DXO: variants seen among roughly 807,000 people sequenced by gnomAD.
DXO encodes the protein decapping and exoribonuclease protein.
A neutral mutation model predicts 39.8 loss-of-function variants in DXO; 42 were observed. The observed-to-expected ratio is 1.06, with a 90% CI of 0.83 to 1.37. The LOEUF is 1.37. DXO is among the 40% of genes most tolerant of loss of function. The pLI, the probability that DXO is intolerant of heterozygous loss-of-function variation, is 0.00. For missense variants in DXO, 495 were observed against 513.0 expected, an observed-to-expected ratio of 0.96 and a Z score of 0.34; for synonymous variants, 193 against 200.4, an observed-to-expected ratio of 0.96 and a Z score of 0.31.
At position 31,970,521 on chromosome 6, in the gene DXO, C is replaced by T; in HGVS notation, c.813-43G>A. On this transcript the variant is annotated intron_variant, in intron 4 of 6. Coordinates refer to ENST00000337523, the MANE Select transcript of DXO (RefSeq NM_005510.4). The surrounding 1 kb of genome is among the most constrained non-coding windows in gnomAD (Gnocchi z 4.0). The stretch of plus-strand genomic sequence containing the variant: ...GGATCAGTGGGACCCCTCGTGCACC[C>T]TCCATTCTGCCTTCACCCTCCTCCC... 6.2e-7 allele frequency: 1 copy of T among 1,613,736 alleles called. No homozygotes were observed. The highest frequency in any genetic ancestry group is 8.5e-7 in the Non-Finnish European group (1 of 1,179,810).
In DXO at chr6:31,971,006, C is replaced by T. The variant is rs1248297771; in HGVS notation, c.498G>A (p.Glu166=). The T allele has an allele frequency of 1.2e-6, 2 of 1,613,018 alleles. No individual in the cohort carries two copies. The highest frequency in any genetic ancestry group is 1.7e-6 in the Non-Finnish European group (2 of 1,180,010). ...FQGTLYLSEV[E]TPNARAQRLA... Reference sequence around the variant, plus strand: ...GCCTCTGGGCCCGAGCGTTCGGTGTCTCCACTTCACTCAGGTATAGTGTTC... The same window carrying T: ...GCCTCTGGGCCCGAGCGTTCGGTGTTTCCACTTCACTCAGGTATAGTGTTC... Residue 166 remains glutamate, a synonymous_variant, in exon 3 of 7, where the codon GAG becomes GAA. Coordinates refer to ENST00000337523, the MANE Select transcript of DXO (RefSeq NM_005510.4). This position sits in a 1 kb window ranked among gnomAD's most constrained non-coding sequence, Gnocchi z 4.5.
rs745531445 is a variant in DXO at position 31,971,171 on chromosome 6, G to T, written c.357-24C>A. 6.2e-7 allele frequency: 1 copy of T among 1,608,308 alleles called. No individual in the cohort carries two copies. The highest frequency in any genetic ancestry group is 1.1e-5 in the South Asian group (1 of 90,938). On this transcript the variant is annotated intron_variant, in intron 2 of 6. Coordinates refer to ENST00000337523, the MANE Select transcript of DXO (RefSeq NM_005510.4). This position sits in a 1 kb window ranked among gnomAD's most constrained non-coding sequence, Gnocchi z 4.5. ...CCCTGAGAGGCAGGAGTTACAGGCT[G>T]AAGGTCTGACACAAGCATTAGTGAG...
In DXO at chr6:31,971,610, T is replaced by G. The variant is rs747564963; in HGVS notation, c.66A>C (p.Leu22=). Residue 22 remains leucine, a synonymous_variant, in exon 2 of 7, where the codon CTA becomes CTC. Coordinates refer to ENST00000337523, the MANE Select transcript of DXO (RefSeq NM_005510.4). The surrounding 1 kb of genome is among the most constrained non-coding windows in gnomAD (Gnocchi z 4.5). ...KTEVAEPRNK[L]PRPAPSLPTD... is the part of the protein sequence containing the mutation. ...TGGGCAGAGAAGGTGCTGGACGAGG[T>G]AGTTTGTTCCGAGGCTCAGCTACCT... 6.2e-7 allele frequency: 1 copy of G among 1,612,990 alleles called. No individual in the cohort carries two copies. The highest frequency in any genetic ancestry group is 8.5e-7 in the Non-Finnish European group (1 of 1,179,954).
rs138947327 is a variant in DXO, at chr6:31,970,130, G to A, written c.1022C>T (p.Thr341Met). 37 of 1,613,766 alleles carry A rather than the reference G, an allele frequency of 2.3e-5. No individual in the cohort carries two copies. The highest frequency in any genetic ancestry group is 2.9e-5 in the Non-Finnish European group (34 of 1,180,038). ...CAAFLSFAQS[T>M]VVQDDPRLVH... ...TCACCTGGGGTCATCCTGGACAACC[G>A]TGCTCTGGGCAAAGCTAAGGAAGGC... is the stretch of plus-strand genomic sequence containing the variant. The change falls in exon 6 of 7, where the codon ACG becomes ATG. Residue 341 changes from threonine to methionine, a missense_variant. Transcript: ENST00000337523. This position sits in a 1 kb window ranked among gnomAD's most constrained non-coding sequence, Gnocchi z 4.0.
rs761774914 is a variant in DXO, at chr6:31,972,008, G to A, written c.-86C>T. On this transcript the variant is annotated 5_prime_UTR_variant, in exon 1 of 7. Coordinates refer to ENST00000337523, the MANE Select transcript of DXO (RefSeq NM_005510.4). The surrounding 1 kb of genome is among the most constrained non-coding windows in gnomAD (Gnocchi z 6.3). ...CCAGAGGCCGAAGGATGCAAAAGTG[G>A]TTTTCTGCTTTCGATGATGCAATCA... 1.9e-6 allele frequency: 3 copies of A among 1,605,310 alleles called. No individual in the cohort carries two copies. Among genetic ancestry groups the A allele is most frequent in the Non-Finnish European group, 2.6e-6 (3 of 1,173,230 alleles).
At position 31,970,633 on chromosome 6, in the gene DXO, C is replaced by T. The variant is rs144456656; in HGVS notation, c.785G>A (p.Ser262Asn). 6.2e-7 allele frequency: 1 copy of T among 1,613,276 alleles called. No homozygotes were observed. Among genetic ancestry groups the T allele is most frequent in the Non-Finnish European group, 8.5e-7 (1 of 1,179,998 alleles). The change falls in exon 4 of 7, where the codon AGC (serine) becomes AAC (asparagine). Residue 262 changes from serine to asparagine, a missense_variant. Physicochemically the swap from Ser to Asn is conservative, Grantham distance 46. Coordinates refer to ENST00000337523, the MANE Select transcript of DXO (RefSeq NM_005510.4). This position sits in a 1 kb window ranked among gnomAD's most constrained non-coding sequence, Gnocchi z 4.0. ...GTAGAAACTCCTCCATTGGCCAGGG[C>T]TGTGCATCTCCTTGGAGGTCTTGAG... is the stretch of plus-strand genomic sequence containing the variant. The part of the protein sequence containing the change: ...VELKTSKEMH[S>N]PGQWRSFYRH...
chr6:31,971,082 G>T lies in DXO; in HGVS notation c.422C>A (p.Thr141Lys). Reference protein sequence around the residue: ...WRGHLTKLLTTPYERQEGWQL... With the variant: ...WRGHLTKLLTKPYERQEGWQL... ...CCAGCCCTCCTGCCGCTCATACGGT[G>T]TCGTCAGCAGTTTTGTCAGGTGCCC... The change falls in exon 3 of 7, where the codon ACA (threonine) becomes AAA (lysine). Residue 141 changes from threonine to lysine, a missense_variant. By Grantham distance (78) the Thr-to-Lys change is moderately conservative. Coordinates refer to ENST00000337523, the MANE Select transcript of DXO (RefSeq NM_005510.4). This position sits in a 1 kb window ranked among gnomAD's most constrained non-coding sequence, Gnocchi z 4.5. The T allele has an allele frequency of 6.2e-7, 1 of 1,612,862 alleles. No homozygotes were observed. The highest frequency in any genetic ancestry group is 1.1e-5 in the South Asian group (1 of 91,084).
rs1247689611 is a variant in DXO at position 31,970,301 on chromosome 6, T to G, written c.948+42A>C. On this transcript the variant is annotated intron_variant, in intron 5 of 6. Coordinates refer to ENST00000337523, the MANE Select transcript of DXO (RefSeq NM_005510.4). This position sits in a 1 kb window ranked among gnomAD's most constrained non-coding sequence, Gnocchi z 4.0. Reference sequence around the variant, plus strand: ...CTGGATGCTAGACCTGTGGTCTTGGTGTTTGGGGATACGGGTGGGAGCTGC... The same window carrying G: ...CTGGATGCTAGACCTGTGGTCTTGGGGTTTGGGGATACGGGTGGGAGCTGC... 1 of 1,613,772 alleles carries G rather than the reference T, an allele frequency of 6.2e-7. No homozygotes were observed. Among genetic ancestry groups the G allele is most frequent in the Non-Finnish European group, 8.5e-7 (1 of 1,179,918 alleles).
In DXO at chr6:31,971,152, G is replaced by A; in HGVS notation, c.357-5C>T. The A allele has an allele frequency of 6.2e-7, 1 of 1,611,464 alleles. No individual in the cohort carries two copies. The highest frequency in any genetic ancestry group is 8.5e-7 in the Non-Finnish European group (1 of 1,179,200). On this transcript the variant is annotated splice_polypyrimidine_tract_variant and splice_region_variant and intron_variant, in intron 2 of 6. Transcript: ENST00000337523. The surrounding 1 kb of genome is among the most constrained non-coding windows in gnomAD (Gnocchi z 4.5). Reference sequence around the variant, plus strand: ...TCTGCCAGCCAGCCTGGACCCCTGAGAGGCAGGAGTTACAGGCTGAAGGTC... The same window carrying A: ...TCTGCCAGCCAGCCTGGACCCCTGAAAGGCAGGAGTTACAGGCTGAAGGTC...
chr6:31,970,774 G>T lies in DXO; in HGVS notation c.644C>A (p.Ala215Asp). 6.2e-7 allele frequency: 1 copy of T among 1,612,892 alleles called. No homozygotes were observed. The highest frequency in any genetic ancestry group is 8.5e-7 in the Non-Finnish European group (1 of 1,179,986). The change falls in exon 4 of 7, where the codon GCC becomes GAC. Residue 215 changes from alanine to aspartate, a missense_variant. Transcript: ENST00000337523. This position sits in a 1 kb window ranked among gnomAD's most constrained non-coding sequence, Gnocchi z 4.0. ...DPSGEVNTNV[A>D]FCSVLRSRLG... Reference sequence around the variant, plus strand: ...GCGGCTGCGTAGCACAGAGCAGAAGGCCACGTTGGTGTTAACCTCCCCAGA... The same window carrying T: ...GCGGCTGCGTAGCACAGAGCAGAAGTCCACGTTGGTGTTAACCTCCCCAGA...
Position 31,971,442 on chromosome 6 carries a change from T to C in DXO, c.234A>G (p.Pro78=). 4 of 1,613,530 alleles carry C rather than the reference T, an allele frequency of 2.5e-6. No homozygotes were observed. In the African/African-American group the frequency reaches 5.3e-5, roughly 22 times the overall value. Residue 78 remains proline (P), a synonymous_variant, in exon 2 of 7, where the codon CCA becomes CCG. Transcript: ENST00000337523. This position sits in a 1 kb window ranked among gnomAD's most constrained non-coding sequence, Gnocchi z 4.5. ...RYYSPPPTNG[P]GPNFDLRDGY... ...CGTCTCTGAGGTCAAAGTTGGGGCCTGGACCGTTAGTGGGGGGTGGGCTAT... is the reference window on the plus strand; with the variant it reads ...CGTCTCTGAGGTCAAAGTTGGGGCCCGGACCGTTAGTGGGGGGTGGGCTAT...
At position 31,970,843 on chromosome 6, in the gene DXO, C is replaced by T. The variant is rs1773223832; in HGVS notation, c.593-18G>A. ...AGGTTTGTCTGCACAAGGAGAGAAG[C>T]AGCAGCAGGCGTGGGGGGCTCTCAA... On this transcript the variant is annotated intron_variant, in intron 3 of 6. Coordinates refer to ENST00000337523, the MANE Select transcript of DXO (RefSeq NM_005510.4). The surrounding 1 kb of genome is among the most constrained non-coding windows in gnomAD (Gnocchi z 4.0). 1.2e-6 allele frequency: 2 copies of T among 1,612,228 alleles called. No homozygotes were observed. Among genetic ancestry groups the T allele is most frequent in the African/African-American group, 1.3e-5 (1 of 74,864 alleles).
Position 31,970,093 on chromosome 6 carries a change from G to A in DXO, c.1043+16C>T. 1 of 1,613,970 alleles carries A rather than the reference G, an allele frequency of 6.2e-7. No homozygotes were observed. The highest frequency in any genetic ancestry group is 1.1e-5 in the South Asian group (1 of 91,074). Reference sequence around the variant, plus strand: ...TCCTGGGATCCAGAGGGGAGGGACAGAGCTGAATGCCTCACCTGGGGTCAT... The same window carrying A: ...TCCTGGGATCCAGAGGGGAGGGACAAAGCTGAATGCCTCACCTGGGGTCAT... On this transcript the variant is annotated intron_variant, in intron 6 of 6. Coordinates refer to ENST00000337523, the MANE Select transcript of DXO (RefSeq NM_005510.4). The surrounding 1 kb of genome is among the most constrained non-coding windows in gnomAD (Gnocchi z 4.0).
rs1021647919 is a variant in DXO, at chr6:31,971,939, C to T, written c.-17G>A. 4 of 1,551,170 alleles carry T rather than the reference C, an allele frequency of 2.6e-6. No homozygotes were observed. The highest frequency in any genetic ancestry group is 3.5e-6 in the Non-Finnish European group (4 of 1,145,438). The stretch of plus-strand genomic sequence containing the variant: ...CAAGAATCCAGTTACCTCAAAGCTC[C>T]CCAACTTCCACCTCCGCAGAGCTAT... On this transcript the variant is annotated 5_prime_UTR_variant, in exon 1 of 7. Coordinates refer to ENST00000337523, the MANE Select transcript of DXO (RefSeq NM_005510.4). This position sits in a 1 kb window ranked among gnomAD's most constrained non-coding sequence, Gnocchi z 4.5.
At position 31,971,614 on chromosome 6, in the gene DXO, T is replaced by C; in HGVS notation, c.62A>G (p.Lys21Arg). Residue 21 changes from lysine to arginine, a missense_variant, in exon 2 of 7, where the codon AAA (lysine) becomes AGA (arginine). Lys to Arg is a conservative substitution (Grantham distance 26, BLOSUM62 2). Coordinates refer to ENST00000337523, the MANE Select transcript of DXO (RefSeq NM_005510.4). The surrounding 1 kb of genome is among the most constrained non-coding windows in gnomAD (Gnocchi z 4.5). ...CAGAGAAGGTGCTGGACGAGGTAGT[T>C]TGTTCCGAGGCTCAGCTACCTCTGT... Reference protein sequence around the residue: ...EKTEVAEPRNKLPRPAPSLPT... With the variant: ...EKTEVAEPRNRLPRPAPSLPT... 1 of 1,612,994 alleles carries C rather than the reference T, an allele frequency of 6.2e-7. No individual in the cohort carries two copies. Among genetic ancestry groups the C allele is most frequent in the Middle Eastern group, 1.7e-4 (1 of 6,058 alleles).
rs200954579 is a variant in DXO, at chr6:31,970,738, T to C, written c.680A>G (p.His227Arg). 1.6e-4 allele frequency: 252 copies of C among 1,612,438 alleles called. 3 individuals carry two copies. Among genetic ancestry groups the C allele is most frequent in the Non-Finnish European group, 6.0e-5 (71 of 1,179,924 alleles). ...CSVLRSRLGS[H>R]PLLFSGEVDC... ...TACCTCCCCTGAGAAGAGCAGAGGG[T>C]GGCTTCCCAGGCGGCTGCGTAGCAC... Residue 227 changes from histidine to arginine, a missense_variant, in exon 4 of 7, where the codon CAC (histidine) becomes CGC (arginine). Transcript: ENST00000337523. This position sits in a 1 kb window ranked among gnomAD's most constrained non-coding sequence, Gnocchi z 4.0.
rs1773284762 is a variant in DXO, at chr6:31,971,208, G to C, written c.357-61C>G. The C allele has an allele frequency of 6.3e-7, 1 of 1,580,256 alleles. No individual in the cohort carries two copies. Among genetic ancestry groups the C allele is most frequent in the South Asian group, 1.1e-5 (1 of 87,922 alleles). On this transcript the variant is annotated intron_variant, in intron 2 of 6. Coordinates refer to ENST00000337523, the MANE Select transcript of DXO (RefSeq NM_005510.4). The surrounding 1 kb of genome is among the most constrained non-coding windows in gnomAD (Gnocchi z 4.5). The stretch of plus-strand genomic sequence containing the variant: ...CAAGCATTAGTGAGATGCTCCCCTC[G>C]AAGAATAGTCTTGTTTCTTCTAAGG...
In DXO at chr6:31,969,926, G is replaced by A; in HGVS notation, c.1142C>T (p.Ala381Val). 1.2e-6 allele frequency: 2 copies of A among 1,614,110 alleles called. No individual in the cohort carries two copies. The highest frequency in any genetic ancestry group is 2.2e-5 in the South Asian group (2 of 91,070). Residue 381 changes from alanine to valine, a missense_variant, in exon 7 of 7, where the codon GCT becomes GTT. Physicochemically the swap from Ala to Val is moderately conservative, Grantham distance 64 (BLOSUM62 0). Coordinates refer to ENST00000337523, the MANE Select transcript of DXO (RefSeq NM_005510.4). The surrounding 1 kb of genome is among the most constrained non-coding windows in gnomAD (Gnocchi z 6.1). ...YAFLPIWYVE[A>V]MTQDLPSPPK... ...GGGTGATGGGAGGTCCTGAGTCATA[G>A]CTTCCACATACCATATGGGCAGGAA...
Position 31,970,028 on chromosome 6 carries a change from G to T in DXO, c.1044-4C>A. The T allele has an allele frequency of 6.2e-7, 1 of 1,614,060 alleles. No homozygotes were observed. Among genetic ancestry groups the T allele is most frequent in the Non-Finnish European group, 8.5e-7 (1 of 1,179,998 alleles). ...CCAAGAGAAGAGATGAACGAGCCTG[G>T]GGGGCAGATGGAGGCATCAGTTGAG... On this transcript the variant is annotated splice_polypyrimidine_tract_variant and splice_region_variant and intron_variant, in intron 6 of 6. Coordinates refer to ENST00000337523, the MANE Select transcript of DXO (RefSeq NM_005510.4). The surrounding 1 kb of genome is among the most constrained non-coding windows in gnomAD (Gnocchi z 4.0).
Sources: allele counts gnomAD v4.1 joint callset, GRCh38; gene constraint gnomAD v4.1.1; non-coding constraint Gnocchi (gnomAD v3.1); transcripts MANE v1.5; gene names NCBI Gene and HGNC (gene_info 2026-07-23, HGNC 2026-07-21).